DBX1: variants seen among roughly 807,000 people sequenced by gnomAD.
DBX1 encodes developing brain homeobox 1.
Under a neutral mutation model 20.8 loss-of-function variants are expected in DBX1, and 10 were observed. The ratio of observed to expected loss-of-function variants is 0.48; its 90% CI spans 0.30 to 0.82. The LOEUF is 0.82. Ranked by LOEUF, DBX1 falls within the 40% of genes least tolerant of loss-of-function variation. DBX1 has a pLI of 0.07. For missense variants in DBX1, 505 were observed against 468.8 expected (o/e 1.08, Z -0.71); for synonymous variants, 241 against 213.9 (o/e 1.13, Z -1.11).
rs1176368499 is a variant in DBX1, at chr11:20,156,503, C to T, written c.743G>A (p.Gly248Glu). 4.3e-6 allele frequency: 7 copies of T among 1,613,844 alleles called. No homozygotes were observed. The highest frequency in any genetic ancestry group is 5.9e-6 in the Non-Finnish European group (7 of 1,180,014). Residue 248 changes from glycine (G) to glutamate (E), a missense_variant, in exon 4 of 4, where the codon GGG (glycine) becomes GAG (glutamate). Gly to Glu is a moderately conservative substitution (Grantham distance 98, BLOSUM62 -2). Coordinates refer to ENST00000524983, the MANE Select transcript of DBX1 (RefSeq NM_001029865.4). The surrounding 1 kb of genome is among the most constrained non-coding windows in gnomAD (Gnocchi z 4.8). ...GGGCAGGGTCTGCTCGCGACAGCCC[C>T]CGCTAGACAGGAGTTCGCGCTCCTT... The part of the protein sequence containing the change: ...NSKERELLSS[G>E]GCREQTLPTK...
intron 2 of DBX1, among the ~76,000 whole-genome samples, chr11:20,158,037 C>G (rs1565142878): frequency 6.6e-6 from 1 of 152,158 alleles, no homozygotes; most frequent in Non-Finnish European, 1.5e-5. Flanking sequence ...CTAAACACAA[C>G]TGCAGGCCAA....
rs1592273811 is a variant in DBX1, at chr11:20,159,956, A to G, written c.367+2T>C. On this transcript the variant is annotated splice_donor_variant, in intron 1 of 3. Transcript: ENST00000524983. LOFTEE classifies it high-confidence loss of function. ...GGCCCTTAGGGTTCTGACCTCGCTT[A>G]CCTGTTCTGGGCCCCGAGGAGAGGA... 6.2e-7 allele frequency: 1 copy of G among 1,613,958 alleles called. No individual in the cohort carries two copies. The highest frequency in any genetic ancestry group is 8.5e-7 in the Non-Finnish European group (1 of 1,179,960).
chr11:20,158,253 G>A (rs2063670493), intron 2 of DBX1, among the ~76,000 whole-genome samples: 1 of 110,926 alleles, frequency 9.0e-6, no homozygotes, highest in South Asian at 3.7e-4. Flanking sequence ...TGGGGGGTGG[G>A]GGGAGGGCGA....
intron 2 of DBX1, among the ~76,000 whole-genome samples, chr11:20,158,410 A>C (rs60330865): frequency 0.12 from 17,998 of 152,146 alleles, 1,238 homozygotes; most frequent in African/African-American, 0.16. Flanking sequence ...AGTTTTGACC[A>C]GTGGCAGAGT....
Position 20,160,100 on chromosome 11 carries a change from G to A in DBX1, c.225C>T (p.Thr75=). 6.4e-7 allele frequency: 1 copy of A among 1,555,232 alleles called. No homozygotes were observed. Among genetic ancestry groups the A allele is most frequent in the Non-Finnish European group, 8.7e-7 (1 of 1,149,130 alleles). Residue 75 remains threonine, a synonymous_variant, in exon 1 of 4, where the codon ACC becomes ACT. Coordinates refer to ENST00000524983, the MANE Select transcript of DBX1 (RefSeq NM_001029865.4). The part of the protein sequence containing the change: ...PPRQGAPTAL[T]DTGASDLGSP... ...AGCCCAGGTCCGAGGCCCCCGTGTC[G>A]GTGAGGGCCGTGGGGGCCCCCTGCC...
chr11:20,159,549 G>A (rs1433346274), intron 1 of DBX1, among the ~76,000 whole-genome samples: 1 of 152,058 alleles, frequency 6.6e-6, no homozygotes, highest in African/African-American at 2.4e-5. Context: ...AGGCACTAAC[G>A]AGATAGGACT....
chr11:20,160,044 G>A lies in DBX1; in HGVS notation c.281C>T (p.Ser94Phe). 1.3e-6 allele frequency: 2 copies of A among 1,593,166 alleles called. No individual in the cohort carries two copies. Among genetic ancestry groups the A allele is most frequent in the East Asian group, 2.3e-5 (1 of 43,544 alleles). ...SPGPGSRRGGSPPTAFSPASE... is the reference protein window; with the variant it reads ...SPGPGSRRGGFPPTAFSPASE... ...GGCAGGGGAGAAGGCAGTCGGCGGA[G>A]AGCCGCCCCGTCGGCTGCCGGGACC... Residue 94 changes from serine to phenylalanine, a missense_variant, in exon 1 of 4, where the codon TCT becomes TTT. Transcript: ENST00000524983.
At position 20,156,493 on chromosome 11, in the gene DBX1, G is replaced by C. The variant is rs1190395883; in HGVS notation, c.753C>G (p.Arg251=). ...ERELLSSGGC[R]EQTLPTKLNP... ...TGAGCTTGGTGGGCAGGGTCTGCTC[G>C]CGACAGCCCCCGCTAGACAGGAGTT... The change falls in exon 4 of 4, where the codon CGC becomes CGG. Residue 251 remains arginine (R), a synonymous_variant. Coordinates refer to ENST00000524983, the MANE Select transcript of DBX1 (RefSeq NM_001029865.4). The surrounding 1 kb of genome is among the most constrained non-coding windows in gnomAD (Gnocchi z 4.8). 3 of 1,613,802 alleles carry C rather than the reference G, an allele frequency of 1.9e-6. No individual in the cohort carries two copies. The highest frequency in any genetic ancestry group is 1.7e-5 in the Admixed American group (1 of 60,004).
At position 20,160,347 on chromosome 11, in the gene DBX1, A is replaced by G. The variant is rs1565143709; in HGVS notation, c.-23T>C. The stretch of plus-strand genomic sequence containing the variant: ...CATGGTAGGCGCGGGCGGGCGAAAT[A>G]ACCCTTCTTTCAGTGGCCGGAGGGT... On this transcript the variant is annotated 5_prime_UTR_variant, in exon 1 of 4. Coordinates refer to ENST00000524983, the MANE Select transcript of DBX1 (RefSeq NM_001029865.4). 1 of 1,481,626 alleles carries G rather than the reference A, an allele frequency of 6.7e-7. No individual in the cohort carries two copies. The highest frequency in any genetic ancestry group is 8.9e-7 in the Non-Finnish European group (1 of 1,118,670). 91.8% of individuals were successfully genotyped at this position (1,481,626 alleles called of 1,614,324 possible). A position where few individuals can be genotyped will look rare whatever the true frequency, so the allele number is the denominator to read the frequency against.
intron 2 of DBX1, among the ~76,000 whole-genome samples, chr11:20,158,236 G>GTGGTGC (rs1396855633): frequency 1.0e-5 from 1 of 95,724 alleles, no homozygotes; most frequent in African/African-American, 3.7e-5. Context: ...GGTGGTGGTG[G>GTGGTGC]TGGTGCTGGG....
chr11:20,160,292 G>T lies in DBX1; in HGVS notation c.33C>A (p.Ala11=). 1 of 1,530,070 alleles carries T rather than the reference G, an allele frequency of 6.5e-7. No individual in the cohort carries two copies. Among genetic ancestry groups the T allele is most frequent in the Non-Finnish European group, 8.8e-7 (1 of 1,140,126 alleles). The allele number at this position is 1,530,070 out of a possible 1,614,324, so 94.8% of individuals were successfully genotyped here. Residue 11 remains alanine (A), a synonymous_variant, in exon 1 of 4, where the codon GCC becomes GCA. Transcript: ENST00000524983. ...TGGGCCGCAGGAGGCTAGGGTACCC[G>T]GCGGGGGGCGCGAGGAGGCCGGGGA... is the stretch of plus-strand genomic sequence containing the variant. MMFPGLLAPP[A]GYPSLLRPTP...
At position 20,156,445 on chromosome 11, in the gene DBX1, G is replaced by A. The variant is rs2063657048; in HGVS notation, c.801C>T (p.Asp267=). Residue 267 remains aspartate (D), a synonymous_variant, in exon 4 of 4, where the codon GAC becomes GAT. Transcript: ENST00000524983. The surrounding 1 kb of genome is among the most constrained non-coding windows in gnomAD (Gnocchi z 4.8). ...TKLNPHPDLS[D]VGQKGPGNEE... is the part of the protein sequence containing the mutation. The stretch of plus-strand genomic sequence containing the variant: ...CGTTCCCAGGGCCCTTCTGGCCCAC[G>A]TCGCTGAGGTCCGGGTGCGGATTGA... 1.2e-6 allele frequency: 2 copies of A among 1,610,488 alleles called. No homozygotes were observed. The highest frequency in any genetic ancestry group is 3.4e-5 in the Admixed American group (2 of 59,348).
Position 20,160,222 on chromosome 11 carries a change from C to T in DBX1, c.103G>A (p.Gly35Ser). The T allele has an allele frequency of 1.9e-6, 3 of 1,546,500 alleles. No homozygotes were observed. Among genetic ancestry groups the T allele is most frequent in the South Asian group, 1.2e-5 (1 of 83,960 alleles). Residue 35 changes from glycine (G) to serine (S), a missense_variant, in exon 1 of 4, where the codon GGC (glycine) becomes AGC (serine). By Grantham distance (56) the Gly-to-Ser change is moderately conservative. Transcript: ENST00000524983. ...LPQSLQSAFSGHSSFLVEDLI... is the reference protein window; with the variant it reads ...LPQSLQSAFSSHSSFLVEDLI... ...TCCTCCACCAGGAAGCTGGAGTGGC[C>T]GGAAAATGCCGACTGCAAGGACTGG...
In DBX1 at chr11:20,156,623, G is replaced by A. The variant is rs1275884823; in HGVS notation, c.673-50C>T. 1 of 1,613,406 alleles carries A rather than the reference G, an allele frequency of 6.2e-7. No homozygotes were observed. Among genetic ancestry groups the A allele is most frequent in the Non-Finnish European group, 8.5e-7 (1 of 1,179,980 alleles). On this transcript the variant is annotated intron_variant, in intron 3 of 3. Transcript: ENST00000524983. This position sits in a 1 kb window ranked among gnomAD's most constrained non-coding sequence, Gnocchi z 4.8. ...GAAGGGAGAAGCAGAGGTCAGATCA[G>A]GGGCTCCGGGGGACGCACGGGGGCG...
Position 20,160,161 on chromosome 11 carries a change from G to C in DBX1, c.164C>G (p.Pro55Arg). The C allele has an allele frequency of 6.5e-7, 1 of 1,548,614 alleles. No individual in the cohort carries two copies. The highest frequency in any genetic ancestry group is 1.2e-5 in the South Asian group (1 of 83,986). Residue 55 changes from proline (P) to arginine (R), a missense_variant, in exon 1 of 4, where the codon CCC (proline) becomes CGC (arginine). By Grantham distance (103) the Pro-to-Arg change is moderately radical. Transcript: ENST00000524983. ...CATGCTGGCGGTGGGCACGCTGCGGGGCAGGTAGGCGGGGGGTCGGCTGAT... is the reference window on the plus strand; with the variant it reads ...CATGCTGGCGGTGGGCACGCTGCGGCGCAGGTAGGCGGGGGGTCGGCTGAT... ...IRISRPPAYL[P>R]RSVPTASMSP...
chr11:20,159,151 C>T (rs775299210), intron 2 of DBX1, 40 bp downstream of exon 2: 2 of 1,433,040 alleles, frequency 1.4e-6, no homozygotes, highest in Non-Finnish European at 9.8e-7. Context: ...GGGGCTGGGG[C>T]GCCGCCCTGC....
chr11:20,156,403 G>GCCC lies in DBX1; in HGVS notation c.840_842dup (p.Gly281dup). On this transcript the variant is annotated inframe_insertion, in exon 4 of 4. Transcript: ENST00000524983. The surrounding 1 kb of genome is among the most constrained non-coding windows in gnomAD (Gnocchi z 4.8). ...CCAGGCGGTGGCTGGGGCTGCCCGG[G>GCCC]CCCTCCTCCTCCTCTTCGTTCCCAG... 1 of 1,602,940 alleles carries GCCC rather than the reference G, an allele frequency of 6.2e-7. No individual in the cohort carries two copies. The highest frequency in any genetic ancestry group is 1.3e-5 in the African/African-American group (1 of 74,860).
At position 20,160,271 on chromosome 11, in the gene DBX1, C is replaced by A; in HGVS notation, c.54G>T (p.Arg18=). ...APPAGYPSLL[R]PTPTLTLPQS... ...GGGGCAGCGTCAAGGTGGGCGTGGG[C>A]CGCAGGAGGCTAGGGTACCCGGCGG... Residue 18 remains arginine (R), a synonymous_variant, in exon 1 of 4, where the codon CGG becomes CGT. Transcript: ENST00000524983. The A allele has an allele frequency of 6.5e-7, 1 of 1,540,386 alleles. No individual in the cohort carries two copies. The highest frequency in any genetic ancestry group is 8.7e-7 in the Non-Finnish European group (1 of 1,144,830).
At chr11:20,157,677 T>A (rs1778854228) in intron 2 of DBX1, among the ~76,000 whole-genome samples, 1 of 152,224 alleles carries the variant, frequency 6.6e-6, no homozygotes, top group Non-Finnish European at 1.5e-5. Flanking sequence ...GGTGCTTTAC[T>A]ATTTTGATAA....
Sources: gnomAD v4.1 joint callset for allele counts (sites outside exome capture counted in the v4.1 genomes callset) on GRCh38, gnomAD v4.1.1 for gene constraint, Gnocchi (gnomAD v3.1) non-coding constraint, MANE v1.5 for transcripts, NCBI Gene and HGNC (gene_info 2026-07-23, HGNC 2026-07-21) for gene names.